CFAP43: variants seen among roughly 807,000 people sequenced by gnomAD.
CFAP43 encodes the protein cilia- and flagella-associated protein 43.
In CFAP43, 155 loss-of-function variants were observed where a neutral mutation model predicts 218.9. The observed-to-expected ratio is 0.71, with a 90% CI of 0.62 to 0.81. The LOEUF (loss-of-function observed/expected upper bound fraction) is 0.81. Ranked by LOEUF, CFAP43 falls within the 30% of genes least tolerant of loss-of-function variation. The pLI is 0.00. For missense variants in CFAP43, 1,778 were observed against 1,954.3 expected (o/e 0.91, Z 1.70); for synonymous variants, 645 against 681.3 (o/e 0.95, Z 0.83).
At chr10:104,225,428 G>A (rs368405758) in intron 3 of CFAP43, 33 bp downstream of exon 3, 44 of 1,506,310 alleles carry the variant, frequency 2.9e-5, no homozygotes, top group Admixed American at 5.3e-5. Context: ...ATGTAACCCA[G>A]TAAAAGGAAT....
At chr10:104,186,238 T>C in intron 14 of CFAP43, 115 bp from the exon 15 acceptor site, 1 of 824,158 alleles carries the variant, frequency 1.2e-6, no homozygotes, top group Non-Finnish European at 1.7e-6. Flanking sequence ...TGATATGGCA[T>C]AAAGTGCAAA....
chr10:104,146,596 C>A (rs2087984321), intron 29 of CFAP43, among the ~76,000 whole-genome samples: 1 of 152,176 alleles, frequency 6.6e-6, no homozygotes, highest in Admixed American at 6.5e-5. Flanking sequence ...ATGGAGCACA[C>A]TGCATTCTTG....
chr10:104,208,094 G>C (rs1328506089), intron 5 of CFAP43, among the ~76,000 whole-genome samples: 1 of 152,146 alleles, frequency 6.6e-6, no homozygotes, highest in East Asian at 1.9e-4. Context: ...CAAGAAAAAG[G>C]CAAACCACCT....
chr10:104,182,440 T>C lies in CFAP43; in HGVS notation c.2215A>G (p.Met739Val). The change falls in exon 17 of 38, where the codon ATG becomes GTG. Residue 739 changes from methionine (M) to valine (V), a missense_variant. Physicochemically the swap from Met to Val is conservative, Grantham distance 21 (BLOSUM62 1). Transcript: ENST00000357060. ...QKLLISLSSA[M>V]DKENHYLSTT... ...CTTAAATAATGATTCTCCTTGTCCA[T>C]GGCGCTGCTCAGGGAAATTAATAGT... 6.2e-7 allele frequency: 1 copy of C among 1,612,974 alleles called. No individual in the cohort carries two copies. Among genetic ancestry groups the C allele is most frequent in the Non-Finnish European group, 8.5e-7 (1 of 1,179,626 alleles).
At chr10:104,198,678 T>C (rs973102582) in intron 8 of CFAP43, among the ~76,000 whole-genome samples, 3 of 151,590 alleles carry the variant, frequency 2.0e-5, no homozygotes, top group African/African-American at 7.3e-5. Context: ...TGTGACTGAG[T>C]CTCCCTCTGT....
chr10:104,177,046 A>C (rs1397122181), intron 19 of CFAP43, among the ~76,000 whole-genome samples: 1 of 152,214 alleles, frequency 6.6e-6, no homozygotes, highest in Non-Finnish European at 1.5e-5. Context: ...AAAGGTGCTC[A>C]GCTTTATTAG....
chr10:104,221,725 T>A (rs1227735096), intron 3 of CFAP43, among the ~76,000 whole-genome samples: 1 of 152,216 alleles, frequency 6.6e-6, no homozygotes, highest in Non-Finnish European at 1.5e-5. Flanking sequence ...ATCTTACATC[T>A]TATAATCTGT....
At chr10:104,155,012 G>C (rs1002166504) in intron 27 of CFAP43, among the ~76,000 whole-genome samples, 1 of 152,272 alleles carries the variant, frequency 6.6e-6, no homozygotes, top group Admixed American at 6.5e-5. Context: ...GGGAAGCAGT[G>C]CAGGCAAGGG....
chr10:104,180,728 T>A (rs1459378433), intron 17 of CFAP43, among the ~76,000 whole-genome samples: 1 of 152,050 alleles, frequency 6.6e-6, no homozygotes, highest in African/African-American at 2.4e-5. Flanking sequence ...TACAGGTGTG[T>A]GCCAACCACC....
At chr10:104,205,615 T>G (rs555732728) in intron 7 of CFAP43, among the ~76,000 whole-genome samples, 2 of 152,204 alleles carry the variant, frequency 1.3e-5, no homozygotes, top group African/African-American at 2.4e-5. Flanking sequence ...AGACAAAGGA[T>G]TCCAAATTCG....
In CFAP43 at chr10:104,143,588, T is replaced by C. The variant is rs2087808845; in HGVS notation, c.3996A>G (p.Gly1332=). 3.1e-6 allele frequency: 5 copies of C among 1,614,110 alleles called. No homozygotes were observed. The highest frequency in any genetic ancestry group is 4.2e-6 in the Non-Finnish European group (5 of 1,180,046). ...HSETTSVVPF[G]ELPGSGKLNK... is the part of the protein sequence containing the mutation. ...TCAACTTGCCAGATCCTGGTAGTTC[T>C]CCGAAAGGGACAACGCTGGTTGTTT... Residue 1332 remains glycine, a synonymous_variant, in exon 32 of 38, where the codon GGA becomes GGG. Coordinates refer to ENST00000357060, the MANE Select transcript of CFAP43 (RefSeq NM_025145.7).
intron 2 of CFAP43, among the ~76,000 whole-genome samples, chr10:104,229,267 G>C (rs2091383133): frequency 1.3e-5 from 2 of 152,172 alleles, no homozygotes; most frequent in African/African-American, 4.8e-5. Flanking sequence ...TCAAGCATGA[G>C]CTTTCTGCCC....
chr10:104,133,650 C>A lies in CFAP43; in HGVS notation c.4566G>T (p.Gln1522His). The A allele has an allele frequency of 6.2e-7, 1 of 1,612,542 alleles. No homozygotes were observed. The highest frequency in any genetic ancestry group is 8.5e-7 in the Non-Finnish European group (1 of 1,179,524). ...EDLNQKAWDI[Q>H]MLFFSRDRQK... ...GACGATCTCTTGAAAAAAATAGCAT[C>A]TGAATATCCCAAGCCTTCTGATTTA... Residue 1522 changes from glutamine (Q) to histidine (H), a missense_variant, in exon 35 of 38, where the codon CAG becomes CAT. Around this residue, in one of 3 missense-constraint regions of CFAP43, gnomAD observed 211 missense variants for 230.6 expected, o/e 0.91. Transcript: ENST00000357060.
chr10:104,226,932 C>T (rs185598939), intron 2 of CFAP43, among the ~76,000 whole-genome samples: 2,009 of 152,084 alleles, frequency 0.013, 25 homozygotes, highest in Non-Finnish European at 0.021. Context: ...GCAGGCGAAT[C>T]GCTTGAACCT....
intron 5 of CFAP43, among the ~76,000 whole-genome samples, chr10:104,209,877 C>T (rs1214262086): frequency 6.6e-6 from 1 of 152,120 alleles, no homozygotes; most frequent in Admixed American, 6.5e-5. Flanking sequence ...TTCCAGGACC[C>T]CCCACTGATA....
chr10:104,199,231 G>A (rs981872814), intron 8 of CFAP43, among the ~76,000 whole-genome samples: 2 of 152,120 alleles, frequency 1.3e-5, no homozygotes, highest in Non-Finnish European at 2.9e-5. Flanking sequence ...TGTAATGAAT[G>A]CATCTCTACC....
In CFAP43 at chr10:104,186,050, T is replaced by C; in HGVS notation, c.1934A>G (p.Tyr645Cys). 6.2e-7 allele frequency: 1 copy of C among 1,609,704 alleles called. No individual in the cohort carries two copies. The highest frequency in any genetic ancestry group is 8.5e-7 in the Non-Finnish European group (1 of 1,178,666). ...QSRQYGPGLL[Y>C]LSSHGLWLIT... ...GAGCCACAATCCATGTGAAGACAGA[T>C]AGAGCAGTCCAGGTCCATACTGTCT... The change falls in exon 15 of 38, where the codon TAT becomes TGT. Residue 645 changes from tyrosine (Y) to cysteine (C), a missense_variant. Around this residue, in one of 3 missense-constraint regions of CFAP43, gnomAD observed 1,553 missense variants for 1,685.2 expected, o/e 0.92. Transcript: ENST00000357060.
chr10:104,218,253 C>T (rs2091073484), intron 3 of CFAP43, among the ~76,000 whole-genome samples: 1 of 147,226 alleles, frequency 6.8e-6, no homozygotes, highest in South Asian at 2.1e-4. Flanking sequence ...GAGGCTGAGG[C>T]AGGAGAATGG....
intron 17 of CFAP43, among the ~76,000 whole-genome samples, chr10:104,181,658 C>T (rs2089849340): frequency 6.6e-6 from 1 of 152,120 alleles, no homozygotes; most frequent in Non-Finnish European, 1.5e-5. Context: ...TTTTTTAGGT[C>T]CTAACATACC....
Sources: allele counts gnomAD v4.1 joint callset (sites outside exome capture counted in the v4.1 genomes callset), GRCh38; gene constraint gnomAD v4.1.1; regional missense constraint gnomAD v4.1.1; transcripts MANE v1.5; gene names NCBI Gene and HGNC (gene_info 2026-07-23, HGNC 2026-07-21).